The following TRPC4 variants were observed in gnomAD, a reference collection of about 807,000 sequenced individuals.
The protein encoded by TRPC4 is transient receptor potential cation channel subfamily C member 4.
A neutral mutation model predicts 99.4 loss-of-function variants in TRPC4; 49 were observed. That is an observed-to-expected ratio of 0.49 (90% CI 0.39 to 0.63). TRPC4 has a LOEUF of 0.63. Among genes scored for constraint, TRPC4 ranks in the 20% least tolerant of loss-of-function variants. The pLI is 0.00. For missense variants in TRPC4, 898 were observed against 1,152.9 expected, an observed-to-expected ratio of 0.78 and a Z score of 3.20; for synonymous variants, 454 against 425.9, an observed-to-expected ratio of 1.07 and a Z score of -0.81.
At chr13:37,819,074 A>C (rs1035631772) in intron 1 of TRPC4, among the ~76,000 whole-genome samples, 1 of 152,100 alleles carries the variant, frequency 6.6e-6, no homozygotes, top group Non-Finnish European at 1.5e-5. Context: ...AGGCATATGA[A>C]AAAAAGCTTA....
chr13:37,637,782 G>A (rs1474868454), intron 10 of TRPC4, among the ~76,000 whole-genome samples, 157 bp from the exon 11 acceptor site: 2 of 152,020 alleles, frequency 1.3e-5, no homozygotes, highest in South Asian at 2.1e-4. Flanking sequence ...GTTCTCTCAC[G>A]GATACTTGAT....
intron 4 of TRPC4, among the ~76,000 whole-genome samples, chr13:37,676,542 T>C (rs886707807): frequency 6.6e-6 from 1 of 152,028 alleles, no homozygotes; most frequent in Admixed American, 6.6e-5. Flanking sequence ...CCGGCTAATT[T>C]TTTGTATTTT....
At chr13:37,816,737 A>G (rs573934885) in intron 1 of TRPC4, among the ~76,000 whole-genome samples, 2 of 152,068 alleles carry the variant, frequency 1.3e-5, no homozygotes, top group Non-Finnish European at 2.9e-5. Context: ...ATCAATAAAT[A>G]TGATCCATCA....
chr13:37,666,601 GT>G (rs1419729976), intron 5 of TRPC4, among the ~76,000 whole-genome samples: 1 of 152,104 alleles, frequency 6.6e-6, no homozygotes, highest in Non-Finnish European at 1.5e-5. Flanking sequence ...CTTTGAATTT[GT>G]AGCGAATAAT....
At chr13:37,812,189 A>AAAAAAAAAAAAAAAAC (rs1555276093) in intron 1 of TRPC4, among the ~76,000 whole-genome samples, 3 of 149,006 alleles carry the variant, frequency 2.0e-5, no homozygotes, top group African/African-American at 7.4e-5. Flanking sequence ...AAAAAAAAAA[A>AAAAAAAAAAAAAAAAC]AAAAAACCAG....
At chr13:37,818,354 G>A (rs1957921519) in intron 1 of TRPC4, among the ~76,000 whole-genome samples, 1 of 152,100 alleles carries the variant, frequency 6.6e-6, no homozygotes, top group Non-Finnish European at 1.5e-5. Context: ...CTGTTGGTGG[G>A]AGTGTAAATT....
intron 1 of TRPC4, among the ~76,000 whole-genome samples, chr13:37,837,723 T>C (rs554335158): frequency 7.9e-5 from 12 of 152,308 alleles, no homozygotes; most frequent in African/African-American, 2.9e-4. Context: ...TTTGAGTTAA[T>C]GCTGAAATGA....
At position 37,632,771 on chromosome 13, in the gene TRPC4, T is replaced by C. The variant is rs1388782649; in HGVS notation, c.*4132A>G. Among the ~76,000 whole-genome samples, 1 of 152,224 alleles carries C rather than the reference T, an allele frequency of 6.6e-6. No homozygotes were observed. The highest frequency in any genetic ancestry group is 1.9e-4 in the East Asian group (1 of 5,204). ...TTCCAGTGAAAATGAACAGTGTATT[T>C]TCTGAAAACAGTAAGAAACCAGCTT... On this transcript the variant is annotated 3_prime_UTR_variant, in exon 11 of 11. Coordinates refer to ENST00000379705, the MANE Select transcript of TRPC4 (RefSeq NM_016179.4).
In TRPC4 at chr13:37,869,637, G is replaced by A. The variant is rs529877195; in HGVS notation, c.-70C>T. On this transcript the variant is annotated 5_prime_UTR_variant, in exon 1 of 11. Coordinates refer to ENST00000379705, the MANE Select transcript of TRPC4 (RefSeq NM_016179.4). ...TCGGGCTGAAGTGATGGGATCCGAG[G>A]ACTGACGGCGCGGGTGCCGTGCGGG... 1 of 152,568 alleles carries A rather than the reference G, an allele frequency of 6.6e-6. No individual in the cohort carries two copies. The highest frequency in any genetic ancestry group is 2.1e-4 in the South Asian group (1 of 4,832). 9.5% of individuals were successfully genotyped at this position (152,568 alleles called of 1,614,324 possible). A position where few individuals can be genotyped will look rare whatever the true frequency, so the allele number is the denominator to read the frequency against.
At chr13:37,669,701 GTTA>G (rs1211425577) in intron 5 of TRPC4, among the ~76,000 whole-genome samples, 1 of 152,092 alleles carries the variant, frequency 6.6e-6, no homozygotes, top group Non-Finnish European at 1.5e-5. Context: ...ATGTTTGATT[GTTA>G]TTATTGTTTT....
intron 2 of TRPC4, among the ~76,000 whole-genome samples, chr13:37,782,062 G>A (rs9576351): frequency 0.52 from 79,043 of 151,918 alleles, 21,099 homozygotes; most frequent in East Asian, 0.78. Context: ...TTTTTGAACC[G>A]CTGCAGAATC....
intron 1 of TRPC4, among the ~76,000 whole-genome samples, chr13:37,821,604 GA>G (rs1958013254): frequency 6.6e-6 from 1 of 151,900 alleles, no homozygotes; most frequent in Admixed American, 6.6e-5. Flanking sequence ...TGAACTGGTA[GA>G]AAAAGAGACA....
chr13:37,794,477 A>G (rs997179613), intron 1 of TRPC4, among the ~76,000 whole-genome samples: 1 of 152,160 alleles, frequency 6.6e-6, no homozygotes, highest in Non-Finnish European at 1.5e-5. Flanking sequence ...TAAATACTTT[A>G]TCTCAGAGGC....
At chr13:37,654,196 A>T (rs1392742178) in intron 7 of TRPC4, among the ~76,000 whole-genome samples, 1 of 152,150 alleles carries the variant, frequency 6.6e-6, no homozygotes, top group Non-Finnish European at 1.5e-5. Flanking sequence ...TGACAAAAAA[A>T]CAGTAATAAC....
intron 1 of TRPC4, among the ~76,000 whole-genome samples, chr13:37,862,082 A>G (rs1463751700): frequency 1.3e-5 from 2 of 151,482 alleles, no homozygotes; most frequent in Non-Finnish European, 3.0e-5. Context: ...AGAGGAGCCC[A>G]CAAGAAAACA....
intron 5 of TRPC4, among the ~76,000 whole-genome samples, chr13:37,667,422 T>A (rs759899185): frequency 6.6e-5 from 10 of 152,168 alleles, no homozygotes; most frequent in Non-Finnish European, 1.2e-4. Context: ...TTCTCCTACC[T>A]CAGCCTCCTG....
chr13:37,845,289 A>G (rs1187909093), intron 1 of TRPC4, among the ~76,000 whole-genome samples: 1 of 152,194 alleles, frequency 6.6e-6, no homozygotes, highest in African/African-American at 2.4e-5. Flanking sequence ...AGAAGTTAAT[A>G]AAGCTCTACT....
intron 1 of TRPC4, among the ~76,000 whole-genome samples, chr13:37,801,131 AT>A (rs771434709): frequency 1.4e-4 from 21 of 152,314 alleles, no homozygotes; most frequent in East Asian, 7.7e-4. Flanking sequence ...AAATAAAAAA[AT>A]ATGTCCAAAA....
intron 8 of TRPC4, among the ~76,000 whole-genome samples, chr13:37,639,502 AAC>A (rs1414745608): frequency 6.6e-6 from 1 of 152,134 alleles, no homozygotes; most frequent in African/African-American, 2.4e-5. Flanking sequence ...TGACATTTGA[AAC>A]ACAGAATAAG....
Sources: allele counts gnomAD v4.1 joint callset (sites outside exome capture counted in the v4.1 genomes callset), GRCh38; gene constraint gnomAD v4.1.1; transcripts MANE v1.5; gene names NCBI Gene and HGNC (gene_info 2026-07-23, HGNC 2026-07-21).